Variants in CNTN5 observed in about 807,000 individuals in gnomAD.
CNTN5 encodes the protein contactin 5.
Under a neutral mutation model 129.1 loss-of-function variants are expected in CNTN5, and 77 were observed. The ratio of observed to expected loss-of-function variants is 0.60; its 90% CI spans 0.50 to 0.72. The LOEUF (loss-of-function observed/expected upper bound fraction) is 0.72. CNTN5 is among the 30% of genes least tolerant of loss of function. The pLI is 0.00. For missense variants in CNTN5, 1,478 were observed against 1,328.8 expected (o/e 1.11, Z -1.75); for synonymous variants, 509 against 465.6 (o/e 1.09, Z -1.20).
chr11:99,953,051 C>T (rs1278039554), intron 7 of CNTN5, among the ~76,000 whole-genome samples: 1 of 152,154 alleles, frequency 6.6e-6, no homozygotes, highest in Non-Finnish European at 1.5e-5. Context: ...GGTTATTTCC[C>T]AACATGTAGT....
At chr11:99,388,658 A>G (rs914826323) in intron 2 of CNTN5, among the ~76,000 whole-genome samples, 1 of 152,198 alleles carries the variant, frequency 6.6e-6, no homozygotes, top group Non-Finnish European at 1.5e-5. Context: ...GTAAACATGT[A>G]CTTAAATTTC....
At chr11:99,369,340 A>C (rs1042468597) in intron 2 of CNTN5, among the ~76,000 whole-genome samples, 2 of 150,782 alleles carry the variant, frequency 1.3e-5, no homozygotes, top group Non-Finnish European at 3.0e-5. Context: ...GTTAAGCTGA[A>C]AGTAATGTTA....
chr11:100,124,735 A>C (rs1462801097), intron 13 of CNTN5, among the ~76,000 whole-genome samples: 1 of 152,068 alleles, frequency 6.6e-6, no homozygotes, highest in African/African-American at 2.4e-5. Flanking sequence ...GAAAGGGAAC[A>C]AAAGAGAGTG....
At chr11:100,042,227 CT>C (rs536805150) in intron 9 of CNTN5, among the ~76,000 whole-genome samples, 5,074 of 140,360 alleles carry the variant, frequency 0.036, 130 homozygotes, top group African/African-American at 0.083. Flanking sequence ...TGTTCTCTCT[CT>C]TTTTTTTTTT....
chr11:99,043,224 T>C (rs2135145892), intron 1 of CNTN5, among the ~76,000 whole-genome samples: 1 of 152,214 alleles, frequency 6.6e-6, no homozygotes, highest in South Asian at 2.1e-4. Flanking sequence ...TTTATCATAT[T>C]AGAATAATTA....
chr11:99,920,928 G>A (rs939941984), intron 7 of CNTN5, among the ~76,000 whole-genome samples: 1 of 152,052 alleles, frequency 6.6e-6, no homozygotes, highest in Non-Finnish European at 1.5e-5. Context: ...AGTTTTATAT[G>A]AGGCCTTGAG....
intron 2 of CNTN5, among the ~76,000 whole-genome samples, chr11:99,333,776 C>A (rs1022693471): frequency 6.6e-6 from 1 of 151,806 alleles, no homozygotes; most frequent in Non-Finnish European, 1.5e-5. Flanking sequence ...ATAGACTTTC[C>A]CATAGACTGA....
chr11:99,557,351 A>G (rs1030635758), intron 3 of CNTN5, among the ~76,000 whole-genome samples: 1 of 151,220 alleles, frequency 6.6e-6, no homozygotes, highest in African/African-American at 2.4e-5. Flanking sequence ...GATATAGAAC[A>G]TGCATATTAT....
intron 1 of CNTN5, among the ~76,000 whole-genome samples, chr11:99,241,877 C>T (rs17659796): frequency 0.38 from 58,082 of 151,874 alleles, 11,554 homozygotes; most frequent in East Asian, 0.6. Context: ...ATAATCCTTA[C>T]ATAGTCCTCC....
chr11:99,819,454 T>C, intron 3 of CNTN5, 90 bp from the exon 4 acceptor site: 2 of 1,132,214 alleles, frequency 1.8e-6, no homozygotes, highest in Non-Finnish European at 2.6e-6. Flanking sequence ...AGAAGGTTTT[T>C]AGTAATGTCT....
At chr11:99,769,715 G>T (rs1231005099) in intron 3 of CNTN5, among the ~76,000 whole-genome samples, 1 of 151,812 alleles carries the variant, frequency 6.6e-6, no homozygotes, top group Non-Finnish European at 1.5e-5. Flanking sequence ...TTCGGAGGCT[G>T]AGGTGGGAGA....
chr11:99,678,215 T>C (rs1341457920), intron 3 of CNTN5, among the ~76,000 whole-genome samples: 1 of 152,126 alleles, frequency 6.6e-6, no homozygotes, highest in African/African-American at 2.4e-5. Flanking sequence ...AATATTGCTT[T>C]TCTACAAAAG....
At chr11:100,039,425 G>A (rs537474761) in intron 9 of CNTN5, among the ~76,000 whole-genome samples, 5 of 152,008 alleles carry the variant, frequency 3.3e-5, no homozygotes, top group Admixed American at 2.0e-4. Flanking sequence ...TTCAACTTTG[G>A]TGAATCTGAC....
At chr11:99,988,474 G>A (rs1427115556) in intron 8 of CNTN5, among the ~76,000 whole-genome samples, 1 of 152,182 alleles carries the variant, frequency 6.6e-6, no homozygotes, top group Non-Finnish European at 1.5e-5. Context: ...TCTGAAGAAT[G>A]ATAAAACTTT....
intron 2 of CNTN5, among the ~76,000 whole-genome samples, chr11:99,377,402 C>A (rs1439812079): frequency 6.6e-6 from 1 of 151,894 alleles, no homozygotes; most frequent in Non-Finnish European, 1.5e-5. Context: ...AATGCTGCTG[C>A]TGTTTTGTTA....
At chr11:99,977,203 A>T (rs1938035103) in intron 8 of CNTN5, among the ~76,000 whole-genome samples, 1 of 152,226 alleles carries the variant, frequency 6.6e-6, no homozygotes. Flanking sequence ...CCTCAACTCT[A>T]TCTGAGAAAC....
At chr11:100,143,852 A>G (rs978394439) in intron 13 of CNTN5, among the ~76,000 whole-genome samples, 4 of 152,132 alleles carry the variant, frequency 2.6e-5, no homozygotes, top group African/African-American at 9.7e-5. Flanking sequence ...GGGAGAGATC[A>G]GGTGGTGTGA....
At position 99,330,083 on chromosome 11, in the gene CNTN5, T is replaced by TAA. The variant is rs542148355; in HGVS notation, c.-71+4608_-71+4609dup. Among the ~76,000 whole-genome samples the TAA allele has an allele frequency of 1.9e-4, 21 of 109,158 alleles. 1 individual carries two copies. In the South Asian group the frequency reaches 6.3e-3, roughly 33 times the overall value. The allele number at this position is 109,158 out of a possible 152,430, so 71.6% of individuals were successfully genotyped here. A position where few individuals can be genotyped will look rare whatever the true frequency, so the allele number is the denominator to read the frequency against. On this transcript the variant is annotated intron_variant, in intron 2 of 24. Coordinates refer to ENST00000524871, the MANE Select transcript of CNTN5 (RefSeq NM_014361.4). ...AACTTACTGAAAGTCTCGTAAGACT[T>TAA]AAAAAAAAAAGGAAAAGAAGTACAT...
At chr11:100,274,066 C>T (rs1419170991) in intron 18 of CNTN5, among the ~76,000 whole-genome samples, 1 of 152,136 alleles carries the variant, frequency 6.6e-6, no homozygotes, top group Non-Finnish European at 1.5e-5. Flanking sequence ...GAAATATGAA[C>T]TAACTCCTAC....
Sources: gnomAD v4.1 joint callset for allele counts (sites outside exome capture counted in the v4.1 genomes callset) on GRCh38, gnomAD v4.1.1 for gene constraint, MANE v1.5 for transcripts, NCBI Gene and HGNC (gene_info 2026-07-23, HGNC 2026-07-21) for gene names.